Variants in FNIP2 observed in about 807,000 individuals in gnomAD.
FNIP2 encodes folliculin-interacting protein 2.
In FNIP2, 32 loss-of-function variants were observed where a neutral mutation model predicts 108.7. That is an observed-to-expected ratio of 0.29 (90% confidence interval 0.22 to 0.40). The LOEUF (loss-of-function observed/expected upper bound fraction) is 0.40. Among genes scored for constraint, FNIP2 ranks in the 10% least tolerant of loss-of-function variants. FNIP2 has a pLI of 1.00. For synonymous variants in FNIP2, 480 were observed against 496.7 expected, an observed-to-expected ratio of 0.97 and a Z score of 0.45; for missense variants, 1,202 against 1,381.6, an observed-to-expected ratio of 0.87 and a Z score of 2.06.
chr4:158,838,330 C>T (rs1027442462), intron 7 of FNIP2, among the ~76,000 whole-genome samples: 2 of 148,598 alleles, frequency 1.3e-5, no homozygotes, highest in East Asian at 2.1e-4. Context: ...AAGCCATCCT[C>T]CCACCTCAGC....
chr4:158,889,879 C>T (rs1782198585), intron 14 of FNIP2: 1 of 983,992 alleles, frequency 1.0e-6, no homozygotes, highest in Admixed American at 6.2e-5. Flanking sequence ...ATTTATAACA[C>T]AGGATGAACA....
chr4:158,818,222 G>T (rs886222562), intron 1 of FNIP2, among the ~76,000 whole-genome samples: 2 of 152,346 alleles, frequency 1.3e-5, no homozygotes, highest in Admixed American at 1.3e-4. Context: ...GACTTATGTG[G>T]TTTTAACTTG....
chr4:158,882,478 G>A (rs1225444798), intron 14 of FNIP2, among the ~76,000 whole-genome samples: 2 of 152,358 alleles, frequency 1.3e-5, no homozygotes, highest in South Asian at 2.1e-4. Flanking sequence ...CTGCCTGGCC[G>A]CCACCCCGTC....
chr4:158,889,167 G>A (rs928723284), intron 14 of FNIP2, among the ~76,000 whole-genome samples: 3 of 152,170 alleles, frequency 2.0e-5, no homozygotes, highest in African/African-American at 7.2e-5. Flanking sequence ...ACTCCAGCCT[G>A]GGCAAAAGCA....
intron 16 of FNIP2, among the ~76,000 whole-genome samples, chr4:158,897,768 T>C (rs766473752): frequency 2.2e-4 from 33 of 152,184 alleles, no homozygotes; most frequent in Non-Finnish European, 3.7e-4. Flanking sequence ...ATGGCAAAAA[T>C]TTTCTCCCAT....
At chr4:158,891,147 T>G (rs1420640883) in intron 14 of FNIP2, among the ~76,000 whole-genome samples, 1 of 152,182 alleles carries the variant, frequency 6.6e-6, no homozygotes, top group Non-Finnish European at 1.5e-5. Context: ...GTGCATTGGC[T>G]TTGAGGCAGG....
intron 16 of FNIP2, among the ~76,000 whole-genome samples, chr4:158,896,598 G>A (rs1169059636): frequency 6.6e-6 from 1 of 152,150 alleles, no homozygotes; most frequent in African/African-American, 2.4e-5. Context: ...CCTCCTAAGA[G>A]ACTGGGGCCT....
At position 158,870,919 on chromosome 4, in the gene FNIP2, C is replaced by T. The variant is rs541421599; in HGVS notation, c.2949+450C>T. On this transcript the variant is annotated intron_variant, in intron 14 of 16. Transcript: ENST00000264433. Reference sequence around the variant, plus strand: ...GCCTCCTGGGGCCCAGAACAGAACACAGAAGGGCAAGGAGCTGCTCTGGGG... The same window carrying T: ...GCCTCCTGGGGCCCAGAACAGAACATAGAAGGGCAAGGAGCTGCTCTGGGG... Among the ~76,000 whole-genome samples, 67 of 152,324 alleles carry T rather than the reference C, an allele frequency of 4.4e-4. No individual in the cohort carries two copies. The South Asian group carries it at 0.014, about 31-fold the overall frequency.
intron 14 of FNIP2, among the ~76,000 whole-genome samples, chr4:158,887,064 G>T (rs6836183): frequency 0.018 from 2,682 of 152,280 alleles, 89 homozygotes; most frequent in African/African-American, 0.061. Context: ...TGGTTCAGTT[G>T]TCAGCGTTGG....
intron 7 of FNIP2, among the ~76,000 whole-genome samples, chr4:158,837,505 T>C (rs1051327186): frequency 7.2e-5 from 11 of 152,210 alleles, no homozygotes; most frequent in African/African-American, 1.7e-4. Context: ...TATAATATAG[T>C]TCATATAAAT....
chr4:158,875,977 TTA>T (rs1218313281), intron 14 of FNIP2, among the ~76,000 whole-genome samples: 5 of 152,364 alleles, frequency 3.3e-5, no homozygotes, highest in East Asian at 1.9e-4. Flanking sequence ...AACCTTTGTA[TTA>T]TGTGTGTGTG....
chr4:158,882,939 T>C (rs987181371), intron 14 of FNIP2, among the ~76,000 whole-genome samples: 1 of 152,062 alleles, frequency 6.6e-6, no homozygotes, highest in African/African-American at 2.4e-5. Flanking sequence ...CCTCCACTAT[T>C]GTCCTATGAC....
intron 1 of FNIP2, among the ~76,000 whole-genome samples, chr4:158,789,860 A>T (rs1430406481): frequency 2.6e-5 from 4 of 152,038 alleles, no homozygotes; most frequent in Non-Finnish European, 5.9e-5. Context: ...AGGCGAAATA[A>T]TGCCTTACCC....
intron 1 of FNIP2, among the ~76,000 whole-genome samples, chr4:158,825,535 C>T (rs1011502422): frequency 6.6e-6 from 1 of 152,238 alleles, no homozygotes; most frequent in Non-Finnish European, 1.5e-5. Flanking sequence ...AGCCTTAACA[C>T]TCCTTTAACT....
intron 14 of FNIP2, among the ~76,000 whole-genome samples, chr4:158,881,625 A>G (rs1329320429): frequency 2.0e-5 from 3 of 152,032 alleles, no homozygotes; most frequent in African/African-American, 4.8e-5. Flanking sequence ...TGGTTTTCGT[A>G]TTTTTTTGGT....
intron 1 of FNIP2, among the ~76,000 whole-genome samples, chr4:158,816,075 A>G (rs1777551019): frequency 6.6e-6 from 1 of 152,234 alleles, no homozygotes; most frequent in Admixed American, 6.5e-5. Context: ...TCACGAGTAT[A>G]TATATATATA....
intron 1 of FNIP2, among the ~76,000 whole-genome samples, chr4:158,784,662 C>T (rs1035911956): frequency 3.3e-5 from 5 of 152,250 alleles, no homozygotes; most frequent in East Asian, 3.9e-4. Flanking sequence ...CTAGCTCCCT[C>T]GCGTGCGCAG....
intron 8 of FNIP2, among the ~76,000 whole-genome samples, chr4:158,855,420 G>T (rs949686352): frequency 3.3e-5 from 5 of 152,078 alleles, no homozygotes; most frequent in African/African-American, 1.2e-4. Flanking sequence ...GAGTGTGGCA[G>T]ACGTTTTGAA....
intron 1 of FNIP2, among the ~76,000 whole-genome samples, chr4:158,821,281 G>A (rs1050224227): frequency 6.6e-6 from 1 of 152,244 alleles, no homozygotes; most frequent in Non-Finnish European, 1.5e-5. Flanking sequence ...CTGATGCCAA[G>A]GACAGTGTTC....
Sources: allele counts gnomAD v4.1 joint callset (sites outside exome capture counted in the v4.1 genomes callset), GRCh38; gene constraint gnomAD v4.1.1; transcripts MANE v1.5; gene names NCBI Gene and HGNC (gene_info 2026-07-23, HGNC 2026-07-21).